TASP1: variants seen among roughly 807,000 people sequenced by gnomAD.
TASP1 encodes the protein threonine aspartase 1.
Under a neutral mutation model 56.6 loss-of-function variants are expected in TASP1, and 16 were observed. The ratio of observed to expected loss-of-function variants is 0.28; its 90% CI spans 0.19 to 0.43. The LOEUF (loss-of-function observed/expected upper bound fraction) is 0.43, where lower values mean the gene tolerates loss of function less well. TASP1 is among the 20% of genes least tolerant of loss of function. TASP1 has a pLI of 1.00. For synonymous variants in TASP1, 179 were observed against 184.2 expected (o/e 0.97, Z 0.23); for missense variants, 393 against 511.6 (o/e 0.77, Z 2.24).
chr20:13,595,550 A>G (rs2047696204), intron 4 of TASP1, among the ~76,000 whole-genome samples: 1 of 152,202 alleles, frequency 6.6e-6, no homozygotes, highest in Non-Finnish European at 1.5e-5. Flanking sequence ...GCAAATGGAA[A>G]GCAAAAAAAA....
chr20:13,263,764 G>A, the TASP1 span, among the ~76,000 whole-genome samples: 1 of 152,182 alleles, frequency 6.6e-6, no homozygotes, highest in Non-Finnish European at 1.5e-5. Flanking sequence ...AAGGAAACAA[G>A]CATTGTCGAT....
chr20:13,215,540 TTATGTTTTAA>T, the TASP1 span, among the ~76,000 whole-genome samples: 3 of 152,268 alleles, frequency 2.0e-5, no homozygotes, highest in Non-Finnish European at 4.4e-5. Context: ...GAGCAGGTCA[TTATGTTTTAA>T]TATCACACAG....
intron 13 of TASP1, among the ~76,000 whole-genome samples, chr20:13,414,937 C>CTTAAAA (rs1403892972): frequency 9.9e-5 from 15 of 152,100 alleles, no homozygotes; most frequent in African/African-American, 3.6e-4. Context: ...TTTAGCTAAG[C>CTTAAAA]TTTAATTCAA....
chr20:13,298,993 A>T, the TASP1 span: 1 of 1,613,542 alleles, frequency 6.2e-7, no homozygotes, highest in African/African-American at 1.3e-5. Context: ...TTCTTAAAGA[A>T]GTACATGCAC....
intron 13 of TASP1, among the ~76,000 whole-genome samples, chr20:13,399,002 A>G (rs1393658124): frequency 2.0e-5 from 3 of 152,194 alleles, no homozygotes; most frequent in Non-Finnish European, 4.4e-5. Context: ...AAAATAAGAA[A>G]TGACTTCCAA....
At chr20:13,133,057 T>C in the TASP1 span, 1 of 152,404 alleles carries the variant, frequency 6.6e-6, no homozygotes, top group East Asian at 1.9e-4. Flanking sequence ...TCTCTCTCTT[T>C]GAAAACAGCC....
At chr20:13,295,858 C>G in the TASP1 span, among the ~76,000 whole-genome samples, 1 of 152,194 alleles carries the variant, frequency 6.6e-6, no homozygotes, top group Non-Finnish European at 1.5e-5. Context: ...ACGATAGATC[C>G]AAAGGTGCAA....
chr20:13,343,314 G>C, the TASP1 span, among the ~76,000 whole-genome samples: 2 of 152,238 alleles, frequency 1.3e-5, no homozygotes, highest in Non-Finnish European at 2.9e-5. Flanking sequence ...CAGCCCCTGA[G>C]GGAGGCACAG....
chr20:13,228,219 C>T, the TASP1 span, among the ~76,000 whole-genome samples: 15 of 152,058 alleles, frequency 9.9e-5, no homozygotes, highest in East Asian at 5.8e-4. Context: ...GTGATCTGCC[C>T]GTCCTGGCCT....
the TASP1 span, among the ~76,000 whole-genome samples, chr20:13,206,589 C>T: frequency 6.6e-6 from 1 of 152,072 alleles, no homozygotes; most frequent in Non-Finnish European, 1.5e-5. Context: ...GGAAGGCCTG[C>T]ACAAGGTCAT....
intron 8 of TASP1, among the ~76,000 whole-genome samples, chr20:13,544,637 T>A (rs1485465027): frequency 1.3e-5 from 2 of 152,232 alleles, no homozygotes; most frequent in Non-Finnish European, 2.9e-5. Context: ...TTGCTAATTA[T>A]TAATAAATAG....
chr20:13,111,553 C>T, the TASP1 span, among the ~76,000 whole-genome samples: 1 of 152,172 alleles, frequency 6.6e-6, no homozygotes, highest in Non-Finnish European at 1.5e-5. Flanking sequence ...ACTGACAACT[C>T]GTAGGCCTTA....
At chr20:13,403,549 C>T (rs1192095790) in intron 13 of TASP1, among the ~76,000 whole-genome samples, 1 of 152,154 alleles carries the variant, frequency 6.6e-6, no homozygotes, top group Non-Finnish European at 1.5e-5. Context: ...ATCAAAGCAT[C>T]AATAGATGAG....
At chr20:13,110,781 G>T in the TASP1 span, among the ~76,000 whole-genome samples, 1 of 152,102 alleles carries the variant, frequency 6.6e-6, no homozygotes, top group Non-Finnish European at 1.5e-5. Flanking sequence ...AAGCCAAGGA[G>T]ACATTATTTC....
the TASP1 span, among the ~76,000 whole-genome samples, chr20:13,304,670 G>C: frequency 2.6e-5 from 4 of 152,142 alleles, no homozygotes; most frequent in Non-Finnish European, 4.4e-5. Context: ...CAACTGTTTG[G>C]TGATCTTGGG....
At chr20:13,255,918 T>C in the TASP1 span, among the ~76,000 whole-genome samples, 2 of 129,018 alleles carry the variant, frequency 1.6e-5, no homozygotes, top group Non-Finnish European at 3.2e-5. Flanking sequence ...TTAGTAAAGT[T>C]CCTGGGGTTT....
chr20:13,123,655 T>G, the TASP1 span, among the ~76,000 whole-genome samples: 1 of 152,166 alleles, frequency 6.6e-6, no homozygotes, highest in East Asian at 1.9e-4. Flanking sequence ...GGCTTCTCCC[T>G]CTCTTCCCAA....
intron 4 of TASP1, among the ~76,000 whole-genome samples, chr20:13,591,633 T>C (rs2047535812): frequency 6.6e-6 from 1 of 152,206 alleles, no homozygotes; most frequent in Admixed American, 6.5e-5. Flanking sequence ...ATCTGGGATA[T>C]GCAAAAGAAT....
At chr20:13,221,810 C>T in the TASP1 span, 1 of 1,456,814 alleles carries the variant, frequency 6.9e-7, no homozygotes, top group Non-Finnish European at 9.0e-7. Context: ...GCTGCTGCTG[C>T]TGGGGCTGCT....
Sources: allele counts gnomAD v4.1 joint callset (sites outside exome capture counted in the v4.1 genomes callset), GRCh38; gene constraint gnomAD v4.1.1; transcripts MANE v1.5; gene names NCBI Gene and HGNC (gene_info 2026-07-23, HGNC 2026-07-21).